The following EYS variants were observed in gnomAD, a reference collection of about 807,000 sequenced individuals.
The protein encoded by EYS is protein eyes shut homolog.
Under a neutral mutation model 282.1 loss-of-function variants are expected in EYS, and 250 were observed. The ratio of observed to expected loss-of-function variants is 0.89; its 90% CI spans 0.80 to 0.98. The LOEUF is 0.98. Among genes scored for constraint, EYS ranks in the 50% least tolerant of loss-of-function variants. The probability of loss-of-function intolerance (pLI) is 0.00; values close to 1 mark genes in which losing one functional copy is unlikely to be tolerated. For synonymous variants in EYS, 1,355 were observed against 1,282.9 expected (o/e 1.06, Z -1.20); for missense variants, 4,016 against 3,709.0 (o/e 1.08, Z -2.15).
At chr6:64,349,673 T>G (rs183708668) in intron 29 of EYS, among the ~76,000 whole-genome samples, 77 of 151,480 alleles carry the variant, frequency 5.1e-4, no homozygotes, top group Admixed American at 7.9e-4. Flanking sequence ...TTTAGTTTTG[T>G]TTTTCAATTT....
intron 30 of EYS, among the ~76,000 whole-genome samples, chr6:64,284,808 C>A (rs968349711): frequency 6.6e-6 from 1 of 152,184 alleles, no homozygotes; most frequent in Non-Finnish European, 1.5e-5. Flanking sequence ...GAAACCATGG[C>A]CCAAGCTCTG....
At chr6:65,653,229 G>A (rs1047036512) in intron 1 of EYS, among the ~76,000 whole-genome samples, 1 of 151,806 alleles carries the variant, frequency 6.6e-6, no homozygotes, top group African/African-American at 2.4e-5. Context: ...TGACAGGGTT[G>A]CCCAGAAAAT....
intron 13 of EYS, among the ~76,000 whole-genome samples, chr6:65,029,593 C>A (rs765281606): frequency 4.6e-5 from 7 of 152,096 alleles, no homozygotes; most frequent in Non-Finnish European, 1.0e-4. Flanking sequence ...CTGCCACCCC[C>A]AAGACAGCAA....
In EYS at chr6:64,626,124, G is replaced by C. The variant is rs1767601287; in HGVS notation, c.3565C>G (p.Pro1189Ala). ...HINGYVCKCQPGWSGHHCENE... is the reference protein window; with the variant it reads ...HINGYVCKCQAGWSGHHCENE... ...TTATTATTTTTAAAATAATTACCTG[G>C]TTGGCATTTGCAAACATATCCATTG... Residue 1189 changes from proline to alanine, a missense_variant, in exon 23 of 43, where the codon CCA becomes GCA. Pro to Ala is a conservative substitution (Grantham distance 27, BLOSUM62 -1). Transcript: ENST00000503581. The C allele has an allele frequency of 1.3e-6, 2 of 1,527,072 alleles. No individual in the cohort carries two copies. The highest frequency in any genetic ancestry group is 2.0e-5 in the Admixed American group (1 of 49,802). 94.6% of individuals were successfully genotyped at this position (1,527,072 alleles called of 1,614,324 possible). A position where few individuals can be genotyped will look rare whatever the true frequency, so the allele number is the denominator to read the frequency against.
At chr6:65,023,385 A>C in intron 13 of EYS, among the ~76,000 whole-genome samples, 1 of 152,154 alleles carries the variant, frequency 6.6e-6, no homozygotes, top group East Asian at 1.9e-4. Flanking sequence ...CAGATATAAT[A>C]CTCTAAATAT....
chr6:63,956,783 A>G (rs1048747610), intron 35 of EYS, among the ~76,000 whole-genome samples: 12 of 152,166 alleles, frequency 7.9e-5, no homozygotes. Context: ...CTGCCTTTTG[A>G]AATGTGCAAG....
chr6:65,485,633 C>A (rs926400047), intron 5 of EYS, among the ~76,000 whole-genome samples: 1 of 152,132 alleles, frequency 6.6e-6, no homozygotes, highest in Non-Finnish European at 1.5e-5. Flanking sequence ...GGCGAAATCC[C>A]GTCACTACTA....
intron 12 of EYS, among the ~76,000 whole-genome samples, chr6:65,212,051 A>AT (rs1371445673): frequency 4.6e-5 from 7 of 151,998 alleles, no homozygotes; most frequent in African/African-American, 1.7e-4. Flanking sequence ...AAAACAAAAC[A>AT]TAGACATAGA....
intron 33 of EYS, among the ~76,000 whole-genome samples, chr6:64,025,095 A>G (rs1221481549): frequency 1.3e-5 from 2 of 152,138 alleles, no homozygotes; most frequent in South Asian, 2.1e-4. Flanking sequence ...ATTCTGTCCT[A>G]TCTTTCCTTA....
intron 8 of EYS, among the ~76,000 whole-genome samples, chr6:65,357,304 G>A (rs1352488656): frequency 6.6e-6 from 1 of 151,884 alleles, no homozygotes; most frequent in African/African-American, 2.4e-5. Flanking sequence ...TTTGATTTTA[G>A]TCTTAAAGTG....
chr6:65,238,365 T>G (rs1199686525), intron 12 of EYS, among the ~76,000 whole-genome samples: 1 of 151,658 alleles, frequency 6.6e-6, no homozygotes, highest in East Asian at 1.9e-4. Context: ...CTGTCACTTG[T>G]CAGAAGAAAT....
intron 22 of EYS, among the ~76,000 whole-genome samples, chr6:64,704,091 T>C (rs752113041): frequency 6.6e-6 from 1 of 151,916 alleles, no homozygotes; most frequent in Non-Finnish European, 1.5e-5. Flanking sequence ...AAAAAAAACT[T>C]CAGTGAAAAA....
intron 22 of EYS, among the ~76,000 whole-genome samples, chr6:64,650,260 T>C (rs956068942): frequency 2.6e-5 from 4 of 151,916 alleles, no homozygotes; most frequent in African/African-American, 9.7e-5. Context: ...GTAAACTAAA[T>C]CTTTAAGTAG....
intron 32 of EYS, among the ~76,000 whole-genome samples, chr6:64,079,318 A>G (rs780377395): frequency 2.5e-4 from 38 of 152,158 alleles, no homozygotes; most frequent in Non-Finnish European, 4.4e-4. Context: ...TAGCCTGGCA[A>G]GTTGGTTTCT....
intron 22 of EYS, among the ~76,000 whole-genome samples, chr6:64,660,963 C>T (rs1484440814): frequency 6.6e-6 from 1 of 152,174 alleles, no homozygotes; most frequent in Non-Finnish European, 1.5e-5. Flanking sequence ...AAGCTGGAGG[C>T]ATCACACTAC....
chr6:64,125,161 TCTCTCTCTCTCTCTCG>T (rs1459511355), intron 31 of EYS, among the ~76,000 whole-genome samples: 62 of 151,300 alleles, frequency 4.1e-4, no homozygotes, highest in Admixed American at 1.4e-3. Flanking sequence ...TCTGTCTCTC[TCTCTCTCTCTCTCTCG>T]CTCTCTCTCT....
rs558665780 is a variant in EYS, at chr6:64,322,369, T to C, written c.6079-15287A>G. On this transcript the variant is annotated intron_variant, in intron 29 of 42. Coordinates refer to ENST00000503581, the MANE Select transcript of EYS (RefSeq NM_001142800.2). ...CCAGATAAAGTTCAGTTTAAGGAAA[T>C]AGACTGATAGATTTCTGTTTCTGAT... Among the ~76,000 whole-genome samples the C allele has an allele frequency of 6.6e-5, 10 of 152,118 alleles. No individual in the cohort carries two copies. The South Asian group carries it at 1.2e-3, about 19-fold the overall frequency.
intron 15 of EYS, among the ~76,000 whole-genome samples, chr6:64,923,514 C>G (rs1230040475): frequency 6.6e-6 from 1 of 152,152 alleles, no homozygotes; most frequent in African/African-American, 2.4e-5. Context: ...ATCATGTGTT[C>G]CTAACAGTCC....
chr6:64,218,525 A>AT (rs1470345971), intron 31 of EYS, among the ~76,000 whole-genome samples: 1 of 152,050 alleles, frequency 6.6e-6, no homozygotes, highest in Non-Finnish European at 1.5e-5. Context: ...GTAATTTTTC[A>AT]TTTCTCTGGC....
Sources: allele counts gnomAD v4.1 joint callset (sites outside exome capture counted in the v4.1 genomes callset), GRCh38; gene constraint gnomAD v4.1.1; transcripts MANE v1.5; gene names NCBI Gene and HGNC (gene_info 2026-07-23, HGNC 2026-07-21).